Variants in KCNH1 observed in about 807,000 individuals in gnomAD.
KCNH1 encodes potassium voltage-gated channel subfamily H member 1, also known as voltage-gated delayed rectifier potassium channel KCNH1.
A neutral mutation model predicts 69.2 loss-of-function variants in KCNH1; 27 were observed. The observed-to-expected ratio is 0.39, with a 90% CI of 0.29 to 0.54. The LOEUF (loss-of-function observed/expected upper bound fraction) is 0.54, where lower values mean the gene tolerates loss of function less well. Among genes scored for constraint, KCNH1 ranks in the 20% least tolerant of loss-of-function variants. KCNH1 has a pLI of 0.68. For missense variants in KCNH1, 798 were observed against 1,261.6 expected, an observed-to-expected ratio of 0.63 and a Z score of 5.57; for synonymous variants, 456 against 487.7, an observed-to-expected ratio of 0.93 and a Z score of 0.86.
At chr1:210,740,630 G>T (rs559183034) in intron 10 of KCNH1, among the ~76,000 whole-genome samples, 1 of 149,168 alleles carries the variant, frequency 6.7e-6, no homozygotes, top group African/African-American at 2.5e-5. Flanking sequence ...ATTTAAAATA[G>T]TCATCTCCTA....
chr1:210,745,142 T>G (rs1683120744), intron 10 of KCNH1, among the ~76,000 whole-genome samples: 1 of 152,206 alleles, frequency 6.6e-6, no homozygotes, highest in African/African-American at 2.4e-5. Flanking sequence ...AGGCAGAAGT[T>G]GCAGCGAGTG....
intron 6 of KCNH1, among the ~76,000 whole-genome samples, chr1:210,936,053 T>C (rs960534195): frequency 1.3e-5 from 2 of 152,220 alleles, no homozygotes; most frequent in African/African-American, 4.8e-5. Context: ...GAAATAACAG[T>C]CACAGACTGA....
intron 2 of KCNH1, among the ~76,000 whole-genome samples, chr1:211,104,884 C>A (rs890310117): frequency 6.6e-6 from 1 of 152,156 alleles, no homozygotes; most frequent in Non-Finnish European, 1.5e-5. Context: ...CTACAAAGAA[C>A]CTCAGGGGTT....
intron 10 of KCNH1, among the ~76,000 whole-genome samples, chr1:210,721,948 G>A (rs1398813115): frequency 6.6e-6 from 1 of 152,024 alleles, no homozygotes; most frequent in African/African-American, 2.4e-5. Flanking sequence ...TTTCTAAATG[G>A]ACTCAGGGTC....
At chr1:210,954,698 G>A (rs1688133957) in intron 6 of KCNH1, among the ~76,000 whole-genome samples, 1 of 152,212 alleles carries the variant, frequency 6.6e-6, no homozygotes, top group Admixed American at 6.5e-5. Context: ...CTGCACAAAT[G>A]TCTTCTTTTC....
At chr1:211,087,637 A>ACG (rs1553378379) in intron 4 of KCNH1, among the ~76,000 whole-genome samples, 1 of 31,858 alleles carries the variant, frequency 3.1e-5, no homozygotes, top group African/African-American at 9.3e-5. Flanking sequence ...ACACACACAC[A>ACG]CGCACACACA....
At chr1:210,764,467 C>T (rs1052796261) in intron 10 of KCNH1, among the ~76,000 whole-genome samples, 2 of 152,102 alleles carry the variant, frequency 1.3e-5, no homozygotes, top group Non-Finnish European at 1.5e-5. Flanking sequence ...ACAAACCATG[C>T]ATCTGATAAA....
intron 9 of KCNH1, among the ~76,000 whole-genome samples, chr1:210,787,683 T>C (rs578056861): frequency 1.3e-5 from 2 of 152,314 alleles, no homozygotes; most frequent in South Asian, 4.1e-4. Flanking sequence ...AATGTCGGCC[T>C]CACTCAAGAA....
chr1:211,080,209 C>T (rs1162308807), intron 5 of KCNH1, among the ~76,000 whole-genome samples: 2 of 152,110 alleles, frequency 1.3e-5, no homozygotes, highest in Non-Finnish European at 2.9e-5. Flanking sequence ...GAGTGAACTC[C>T]CATTCACAAT....
intron 5 of KCNH1, among the ~76,000 whole-genome samples, chr1:211,069,485 T>A (rs1411489181): frequency 6.6e-6 from 1 of 152,128 alleles, no homozygotes; most frequent in Non-Finnish European, 1.5e-5. Context: ...GATTAATTTT[T>A]TAAGGGCTCT....
chr1:211,124,507 G>C (rs1691743492), intron 1 of KCNH1, among the ~76,000 whole-genome samples: 1 of 152,144 alleles, frequency 6.6e-6, no homozygotes, highest in Non-Finnish European at 1.5e-5. Flanking sequence ...AGCTGGGCGT[G>C]GTGGCGGGTG....
chr1:211,049,499 CATT>C (rs1178689631), intron 5 of KCNH1, among the ~76,000 whole-genome samples: 1 of 152,078 alleles, frequency 6.6e-6, no homozygotes, highest in African/African-American at 2.4e-5. Context: ...TTGTTGTTGT[CATT>C]GTGTTTTGGG....
At chr1:211,023,297 A>G (rs1166011856) in intron 5 of KCNH1, among the ~76,000 whole-genome samples, 1 of 151,864 alleles carries the variant, frequency 6.6e-6, no homozygotes, top group Non-Finnish European at 1.5e-5. Context: ...TGATTCAGCA[A>G]TCCCATTGGT....
intron 1 of KCNH1, among the ~76,000 whole-genome samples, chr1:211,129,973 G>C (rs1691847971): frequency 6.6e-6 from 1 of 152,178 alleles, no homozygotes; most frequent in Non-Finnish European, 1.5e-5. Flanking sequence ...GTTCTGCCCA[G>C]AATGGGACCA....
At chr1:210,845,464 C>A (rs1305375432) in intron 7 of KCNH1, among the ~76,000 whole-genome samples, 2 of 151,988 alleles carry the variant, frequency 1.3e-5, no homozygotes, top group Admixed American at 1.3e-4. Flanking sequence ...ATAAACAGAA[C>A]CAAAGACAAA....
chr1:211,059,260 A>G (rs1359622765), intron 5 of KCNH1, among the ~76,000 whole-genome samples: 9 of 151,574 alleles, frequency 5.9e-5, no homozygotes, highest in African/African-American at 1.9e-4. Context: ...AGCCTGGGCA[A>G]CAGAGCGAGA....
intron 10 of KCNH1, among the ~76,000 whole-genome samples, chr1:210,695,162 C>T (rs912646179): frequency 2.6e-5 from 4 of 152,314 alleles, no homozygotes; most frequent in South Asian, 2.1e-4. Context: ...CAGGCCATGA[C>T]GCCACTCTCC....
intron 6 of KCNH1, among the ~76,000 whole-genome samples, chr1:210,939,874 C>T (rs1687846785): frequency 1.3e-5 from 2 of 152,204 alleles, no homozygotes; most frequent in South Asian, 2.1e-4. Context: ...TGTGGATGCC[C>T]AATAAATGTT....
intron 7 of KCNH1, among the ~76,000 whole-genome samples, chr1:210,905,917 AATT>A (rs1226384980): frequency 3.9e-5 from 6 of 152,280 alleles, no homozygotes; most frequent in Non-Finnish European, 7.3e-5. Flanking sequence ...AGAGAACTAG[AATT>A]ATTATTTTCA....
Sources: allele counts gnomAD v4.1 joint callset (sites outside exome capture counted in the v4.1 genomes callset), GRCh38; gene constraint gnomAD v4.1.1; transcripts MANE v1.5; gene names NCBI Gene and HGNC (gene_info 2026-07-23, HGNC 2026-07-21).